Variants in ERFE observed in about 807,000 individuals in gnomAD.
ERFE encodes the protein complement C1q tumor necrosis factor-related protein 15.
ERFE carries 25 observed loss-of-function variants against 26.6 expected under a neutral mutation model. The ratio of observed to expected loss-of-function variants is 0.94; its 90% CI spans 0.69 to 1.31. The LOEUF (loss-of-function observed/expected upper bound fraction) is 1.31. Ranked by LOEUF, ERFE falls within the 40% of genes most tolerant of loss-of-function variation. The probability of loss-of-function intolerance (pLI) is 0.00; values close to 1 mark genes in which losing one functional copy is unlikely to be tolerated. For synonymous variants in ERFE, 206 were observed against 204.5 expected, an observed-to-expected ratio of 1.01 and a Z score of -0.06; for missense variants, 447 against 440.2, an observed-to-expected ratio of 1.02 and a Z score of -0.14.
At chr2:238,160,745 C>A (rs1310010559) in intron 1 of ERFE, among the ~76,000 whole-genome samples, 1 of 152,178 alleles carries the variant, frequency 6.6e-6, no homozygotes, top group Non-Finnish European at 1.5e-5. Context: ...ATAAAAGGGC[C>A]CAGTCAGCTC....
intron 7 of ERFE, 131 bp from the exon 8 acceptor site, chr2:238,166,825 T>C (rs1313491731): frequency 5.4e-6 from 4 of 746,210 alleles, no homozygotes; most frequent in Non-Finnish European, 8.8e-6. Flanking sequence ...GGCGGCCACA[T>C]TCTTCTCTGG....
intron 1 of ERFE, among the ~76,000 whole-genome samples, chr2:238,161,124 G>C (rs1414393584): frequency 6.6e-6 from 1 of 152,226 alleles, no homozygotes; most frequent in East Asian, 1.9e-4. Context: ...CTGACACTGG[G>C]GGAGGATGGA....
At chr2:238,165,379 C>T (rs536919470) in intron 6 of ERFE, among the ~76,000 whole-genome samples, 2 of 152,368 alleles carry the variant, frequency 1.3e-5, no homozygotes, top group East Asian at 3.9e-4. Flanking sequence ...GCTTTGCTGC[C>T]TCTTGCTGGG....
chr2:238,165,582 AC>A (rs1342754182), intron 6 of ERFE, 23 bp from the exon 7 acceptor site: 2 of 1,533,606 alleles, frequency 1.3e-6, no homozygotes, highest in Middle Eastern at 1.7e-4. Flanking sequence ...GGGCAGGCTG[AC>A]CCTCCCTCTG....
At chr2:238,161,548 G>A in intron 1 of ERFE, 46 bp from the exon 2 acceptor site, 5 of 1,490,716 alleles carry the variant, frequency 3.4e-6, no homozygotes, top group Non-Finnish European at 3.6e-6. Flanking sequence ...CTGCTTGGTA[G>A]GAGCCCAGTG....
chr2:238,168,112 A>G lies in ERFE; in HGVS notation c.*1058A>G, dbSNP rs912569055. 1.3e-5 allele frequency: 3 copies of G among 226,178 alleles called. No individual in the cohort carries two copies. The East Asian group carries it at 3.6e-4, about 27-fold the overall frequency. The allele number at this position is 226,178 out of a possible 1,614,324, so 14.0% of individuals were successfully genotyped here. ...TGGTGGACGAGAGATGGTCCCGAGA[A>G]AGGGTGGTCTTGGGAGGGCTGGTCC... On this transcript the variant is annotated 3_prime_UTR_variant, in exon 8 of 8. Transcript: ENST00000546354.
At chr2:238,166,543 GACC>G (rs1393803515) in intron 7 of ERFE, among the ~76,000 whole-genome samples, 1 of 152,108 alleles carries the variant, frequency 6.6e-6, no homozygotes, top group Non-Finnish European at 1.5e-5. Context: ...GCTGGTGCAT[GACC>G]ACGTTTGGAG....
chr2:238,161,835 G>A (rs1692943994), intron 2 of ERFE, 119 bp downstream of exon 2: 1 of 1,340,328 alleles, frequency 7.5e-7, no homozygotes, highest in East Asian at 2.8e-5. Context: ...CCTCGGCCTG[G>A]GGACAGAGAA....
chr2:238,164,237 G>T (rs1692993684), intron 5 of ERFE, 33 bp from the exon 6 acceptor site: 1 of 1,380,014 alleles, frequency 7.2e-7, no homozygotes, highest in Admixed American at 3.1e-5. Context: ...CCCGCCGCCC[G>T]CCCGCTTGAC....
At chr2:238,162,016 G>A (rs1692946197) in intron 2 of ERFE, among the ~76,000 whole-genome samples, 1 of 152,220 alleles carries the variant, frequency 6.6e-6, no homozygotes, top group African/African-American at 2.4e-5. Flanking sequence ...CACACTGGAG[G>A]GGCCTGCAGG....
At position 238,165,593 on chromosome 2, in the gene ERFE, G is replaced by C; in HGVS notation, c.888-13G>C. The C allele has an allele frequency of 1.9e-6, 3 of 1,543,768 alleles. No individual in the cohort carries two copies. The highest frequency in any genetic ancestry group is 2.6e-6 in the Non-Finnish European group (3 of 1,141,288). On this transcript the variant is annotated splice_polypyrimidine_tract_variant and intron_variant, in intron 6 of 7. Transcript: ENST00000546354. The stretch of plus-strand genomic sequence containing the variant: ...CATGGGGCAGGCTGACCCTCCCTCT[G>C]TTTTGGGTACAGCTCCCTGGAGGCC...
At chr2:238,161,571 C>G (rs1280660066) in intron 1 of ERFE, 23 bp from the exon 2 acceptor site, 2 of 1,514,746 alleles carry the variant, frequency 1.3e-6, no homozygotes, top group East Asian at 5.0e-5. Context: ...GCCAACCGCC[C>G]TGCTGGGCTG....
At position 238,168,846 on chromosome 2, in the gene ERFE, A is replaced by AAT. The variant is rs1693095160; in HGVS notation, c.*1793_*1794dup. 1 of 166,752 alleles carries AAT rather than the reference A, an allele frequency of 6.0e-6. No individual in the cohort carries two copies. Among genetic ancestry groups the AAT allele is most frequent in the African/African-American group, 2.4e-5 (1 of 41,992 alleles). 10.3% of individuals were successfully genotyped at this position (166,752 alleles called of 1,614,324 possible). On this transcript the variant is annotated 3_prime_UTR_variant, in exon 8 of 8. Coordinates refer to ENST00000546354, the MANE Select transcript of ERFE (RefSeq NM_001291832.2). ...CATTTTTCTCAGTGTGTTATGCAGC[A>AAT]ATTTATTAAAGTATTTATTGTCTAA...
chr2:238,162,849 G>A lies in ERFE; in HGVS notation c.424+11G>A, dbSNP rs946829254. ...AGCTGCTGCTGAAAGGTAGGGGTGT[G>A]CACCGGCTGGGACACACACACCCCG... On this transcript the variant is annotated intron_variant, in intron 3 of 7. Transcript: ENST00000546354. 3 of 1,545,858 alleles carry A rather than the reference G, an allele frequency of 1.9e-6. No individual in the cohort carries two copies. In the African/African-American group the frequency reaches 4.1e-5, roughly 21 times the overall value.
Position 238,167,142 on chromosome 2 carries a change from TGGA to T in ERFE, c.*97_*99del, listed in dbSNP as rs1559283421. 9 of 1,366,606 alleles carry T rather than the reference TGGA, an allele frequency of 6.6e-6. No homozygotes were observed. The highest frequency in any genetic ancestry group is 7.1e-6 in the Non-Finnish European group (7 of 989,116). 84.7% of individuals were successfully genotyped at this position (1,366,606 alleles called of 1,614,324 possible). On this transcript the variant is annotated 3_prime_UTR_variant, in exon 8 of 8. Coordinates refer to ENST00000546354, the MANE Select transcript of ERFE (RefSeq NM_001291832.2). ...CAGTGTCAGAGTAGCAGTGGCCACA[TGGA>T]GGAGGAGGCCCACCCGGAACTCTGC...
Position 238,168,324 on chromosome 2 carries a change from T to TA in ERFE, c.*1270_*1271insA, listed in dbSNP as rs1314767956. ...GCCCTCGGCAGCGACCTCCAGGGCC[T>TA]CCTACCTGCTGAGGAAGAGTTAACC... is the stretch of plus-strand genomic sequence containing the variant. On this transcript the variant is annotated 3_prime_UTR_variant, in exon 8 of 8. Transcript: ENST00000546354. 4.3e-6 allele frequency: 2 copies of TA among 462,376 alleles called. No individual in the cohort carries two copies. Among genetic ancestry groups the TA allele is most frequent in the Admixed American group, 2.4e-5 (1 of 41,464 alleles). The allele number at this position is 462,376 out of a possible 1,614,324, so 28.6% of individuals were successfully genotyped here. A position where few individuals can be genotyped will look rare whatever the true frequency, so the allele number is the denominator to read the frequency against.
intron 6 of ERFE, among the ~76,000 whole-genome samples, chr2:238,165,026 C>T (rs1214576608): frequency 6.6e-6 from 1 of 152,278 alleles, no homozygotes; most frequent in African/African-American, 2.4e-5. Flanking sequence ...GAGGCCTCTC[C>T]AGACAGCTTT....
At position 238,167,293 on chromosome 2, in the gene ERFE, GAAA is replaced by G. The variant is rs1559283531; in HGVS notation, c.*240_*242del. 3 of 699,566 alleles carry G rather than the reference GAAA, an allele frequency of 4.3e-6. No homozygotes were observed. Among genetic ancestry groups the G allele is most frequent in the African/African-American group, 1.7e-5 (1 of 57,356 alleles). The allele number at this position is 699,566 out of a possible 1,614,324, so 43.3% of individuals were successfully genotyped here. ...GACACCATCTTGGGCTCTTATCCAG[GAAA>G]GAAAGAGTCGGCGTGCCTGGGGGCA... On this transcript the variant is annotated 3_prime_UTR_variant, in exon 8 of 8. Transcript: ENST00000546354.
At chr2:238,165,044 C>A (rs904019464) in intron 6 of ERFE, among the ~76,000 whole-genome samples, 7 of 152,084 alleles carry the variant, frequency 4.6e-5, no homozygotes, top group African/African-American at 1.7e-4. Flanking sequence ...TTTCTGGAGG[C>A]CCCCTCCTCA....
Sources: gnomAD v4.1 joint callset for allele counts (sites outside exome capture counted in the v4.1 genomes callset) on GRCh38, gnomAD v4.1.1 for gene constraint, MANE v1.5 for transcripts, NCBI Gene and HGNC (gene_info 2026-07-23, HGNC 2026-07-21) for gene names.